CNTNAP2: variants seen among roughly 807,000 people sequenced by gnomAD.
The protein encoded by CNTNAP2 is contactin associated protein 2, also known as contactin-associated protein-like 2.
In CNTNAP2, 98 loss-of-function variants were observed where a neutral mutation model predicts 155.2. The observed-to-expected ratio is 0.63, with a 90% CI of 0.54 to 0.75. The LOEUF is 0.75. CNTNAP2 is among the 30% of genes least tolerant of loss of function. The pLI is 0.00. For missense variants in CNTNAP2, 1,727 were observed against 1,688.1 expected (o/e 1.02, Z -0.40); for synonymous variants, 651 against 631.2 (o/e 1.03, Z -0.47).
At chr7:148,019,965 A>G (rs1802252847) in intron 15 of CNTNAP2, among the ~76,000 whole-genome samples, 1 of 152,080 alleles carries the variant, frequency 6.6e-6, no homozygotes, top group Admixed American at 6.5e-5. Flanking sequence ...CTGTATTTTT[A>G]GTAGAGACAG....
intron 1 of CNTNAP2, among the ~76,000 whole-genome samples, chr7:146,671,250 C>CT (rs1211407972): frequency 6.6e-6 from 1 of 152,150 alleles, no homozygotes; most frequent in Non-Finnish European, 1.5e-5. Context: ...GGAGGTTTCC[C>CT]AAGACCCATC....
At chr7:147,866,877 G>C (rs1283328987) in intron 13 of CNTNAP2, among the ~76,000 whole-genome samples, 1 of 151,968 alleles carries the variant, frequency 6.6e-6, no homozygotes, top group Admixed American at 6.6e-5. Flanking sequence ...AATACAGCAC[G>C]CTGATAGGTC....
At chr7:148,184,131 G>A (rs1460264306) in intron 18 of CNTNAP2, among the ~76,000 whole-genome samples, 2 of 152,022 alleles carry the variant, frequency 1.3e-5, no homozygotes, top group Non-Finnish European at 2.9e-5. Context: ...TTCAAAGATA[G>A]ATCAACAAAT....
chr7:146,329,576 T>C (rs561025743), intron 1 of CNTNAP2, among the ~76,000 whole-genome samples: 2 of 152,344 alleles, frequency 1.3e-5, no homozygotes, highest in East Asian at 3.9e-4. Context: ...TGTTGCCAAG[T>C]GTCTTTGCCA....
At chr7:147,485,370 T>G (rs915838941) in intron 10 of CNTNAP2, among the ~76,000 whole-genome samples, 10 of 152,218 alleles carry the variant, frequency 6.6e-5, no homozygotes, top group Non-Finnish European at 8.8e-5. Context: ...TCCTTCTGTA[T>G]TATGCTTGCT....
intron 13 of CNTNAP2, among the ~76,000 whole-genome samples, chr7:147,902,980 G>C (rs935492540): frequency 6.6e-6 from 1 of 151,882 alleles, no homozygotes; most frequent in African/African-American, 2.4e-5. Context: ...TTTTCCTCTG[G>C]GTAGATATCC....
chr7:146,464,252 A>G (rs1796684299), intron 1 of CNTNAP2, among the ~76,000 whole-genome samples: 2 of 146,358 alleles, frequency 1.4e-5, no homozygotes, highest in Non-Finnish European at 3.0e-5. Context: ...TGAAACCGCA[A>G]AAACCCTGTC....
chr7:147,065,935 G>T (rs1799770707), intron 4 of CNTNAP2, among the ~76,000 whole-genome samples: 1 of 152,088 alleles, frequency 6.6e-6, no homozygotes, highest in Admixed American at 6.6e-5. Flanking sequence ...ATTTTCTCAT[G>T]AAGTTGACTC....
rs182004119 is a variant in CNTNAP2 at position 146,150,609 on chromosome 7, G to A, written c.97+33636G>A. The stretch of plus-strand genomic sequence containing the variant: ...CTACTACTATATCACCTACATAGGG[G>A]CAATTTAACTCCTCTAATTCTTATA... On this transcript the variant is annotated intron_variant, in intron 1 of 23. Coordinates refer to ENST00000361727, the MANE Select transcript of CNTNAP2 (RefSeq NM_014141.6). Among the ~76,000 whole-genome samples the A allele has an allele frequency of 2.0e-5, 3 of 151,246 alleles. No homozygotes were observed. In the East Asian group the frequency reaches 5.9e-4, roughly 30 times the overall value.
At chr7:148,061,988 T>G (rs371318994) in intron 15 of CNTNAP2, among the ~76,000 whole-genome samples, 2 of 132,810 alleles carry the variant, frequency 1.5e-5, no homozygotes, top group African/African-American at 6.3e-5. Flanking sequence ...GATAGATAGA[T>G]AGATAGATAG....
intron 9 of CNTNAP2, among the ~76,000 whole-genome samples, chr7:147,321,074 A>G (rs1795343349): frequency 6.6e-6 from 1 of 152,220 alleles, no homozygotes; most frequent in Non-Finnish European, 1.5e-5. Context: ...ACATAGTTTA[A>G]AACCTGTTGA....
intron 5 of CNTNAP2, among the ~76,000 whole-genome samples, chr7:147,109,787 A>G (rs971416160): frequency 6.6e-6 from 1 of 152,188 alleles, no homozygotes; most frequent in Non-Finnish European, 1.5e-5. Context: ...AGAGAGGAAG[A>G]ACAGTTAGTT....
At chr7:146,291,043 C>A (rs1344934539) in intron 1 of CNTNAP2, among the ~76,000 whole-genome samples, 2 of 152,176 alleles carry the variant, frequency 1.3e-5, no homozygotes, top group African/African-American at 2.4e-5. Flanking sequence ...TTTCATTCTG[C>A]TTTTCTCCAT....
chr7:146,971,647 T>A (rs530458205), intron 3 of CNTNAP2, among the ~76,000 whole-genome samples: 1 of 152,120 alleles, frequency 6.6e-6, no homozygotes, highest in African/African-American at 2.4e-5. Context: ...GGTCCTTTTC[T>A]GTGCAGATTG....
At chr7:147,584,330 C>T (rs1800576269) in intron 12 of CNTNAP2, among the ~76,000 whole-genome samples, 1 of 152,156 alleles carries the variant, frequency 6.6e-6, no homozygotes, top group Non-Finnish European at 1.5e-5. Context: ...AATATTCCAT[C>T]TGTATACATT....
At chr7:147,591,119 G>A (rs1241354849) in intron 12 of CNTNAP2, among the ~76,000 whole-genome samples, 1 of 152,054 alleles carries the variant, frequency 6.6e-6, no homozygotes, top group Non-Finnish European at 1.5e-5. Flanking sequence ...TGCATCTTAG[G>A]TTGCCTTTTA....
intron 5 of CNTNAP2, among the ~76,000 whole-genome samples, chr7:147,117,896 G>T (rs566187221): frequency 6.6e-6 from 1 of 151,842 alleles, no homozygotes; most frequent in Non-Finnish European, 1.5e-5. Flanking sequence ...CACAAAATTC[G>T]CCATCACTTA....
At chr7:147,513,296 G>T (rs755937753) in intron 11 of CNTNAP2, among the ~76,000 whole-genome samples, 2 of 151,670 alleles carry the variant, frequency 1.3e-5, no homozygotes, top group African/African-American at 4.8e-5. Context: ...CTAAATGCCC[G>T]AATGGATTAT....
intron 15 of CNTNAP2, among the ~76,000 whole-genome samples, chr7:148,097,806 C>T (rs1459500180): frequency 1.3e-5 from 2 of 152,128 alleles, no homozygotes; most frequent in Admixed American, 6.5e-5. Context: ...AATTCAGTGA[C>T]GTTCGGTAAG....
Sources: allele counts gnomAD v4.1 joint callset (sites outside exome capture counted in the v4.1 genomes callset), GRCh38; gene constraint gnomAD v4.1.1; transcripts MANE v1.5; gene names NCBI Gene and HGNC (gene_info 2026-07-23, HGNC 2026-07-21).